Variants in PCSK2 observed in about 807,000 individuals in gnomAD.
PCSK2 encodes neuroendocrine convertase 2.
A neutral mutation model predicts 69.7 loss-of-function variants in PCSK2; 14 were observed. The ratio of observed to expected loss-of-function variants is 0.20; its 90% CI spans 0.13 to 0.31. The LOEUF (loss-of-function observed/expected upper bound fraction) is 0.31. Ranked by LOEUF, PCSK2 falls within the 10% of genes least tolerant of loss-of-function variation. The pLI is 1.00. For missense variants in PCSK2, 544 were observed against 842.5 expected (o/e 0.65, Z 4.39); for synonymous variants, 307 against 320.7 (o/e 0.96, Z 0.46).
intron 1 of PCSK2, among the ~76,000 whole-genome samples, chr20:17,227,909 G>A (rs1216779534): frequency 6.6e-6 from 1 of 152,090 alleles, no homozygotes; most frequent in African/African-American, 2.4e-5. Context: ...CTACAGACGA[G>A]GCTGGACGTT....
At chr20:17,412,528 A>T (rs1318636676) in intron 6 of PCSK2, among the ~76,000 whole-genome samples, 1 of 152,224 alleles carries the variant, frequency 6.6e-6, no homozygotes, top group African/African-American at 2.4e-5. Flanking sequence ...ATATGGGACT[A>T]TGTGAAAAGA....
intron 6 of PCSK2, among the ~76,000 whole-genome samples, chr20:17,418,860 C>T (rs1199497478): frequency 6.6e-6 from 1 of 152,224 alleles, no homozygotes; most frequent in African/African-American, 2.4e-5. Flanking sequence ...CAGTATAGGG[C>T]TGACATGCTG....
Position 17,358,373 on chromosome 20 carries a change from G to C in PCSK2, c.329G>C (p.Gly110Ala). Residue 110 changes from glycine (G) to alanine (A), a missense_variant, in exon 3 of 12, where the codon GGT becomes GCT. This residue lies in a region of PCSK2 where 157 missense variants were observed against 155.0 expected (regional missense o/e 1.01). Coordinates refer to ENST00000262545, the MANE Select transcript of PCSK2 (RefSeq NM_002594.5). ...QQEGFDRKKR[G>A]YRDINEIDIN... ...GAAGGATTTGACCGAAAAAAGCGAGGTTACAGAGACATCAATGAGATCGAC... is the reference window on the plus strand; with the variant it reads ...GAAGGATTTGACCGAAAAAAGCGAGCTTACAGAGACATCAATGAGATCGAC... The C allele has an allele frequency of 6.2e-7, 1 of 1,613,480 alleles. No individual in the cohort carries two copies. Among genetic ancestry groups the C allele is most frequent in the Non-Finnish European group, 8.5e-7 (1 of 1,179,480 alleles).
At chr20:17,269,113 G>A (rs1379978498) in intron 2 of PCSK2, among the ~76,000 whole-genome samples, 2 of 152,186 alleles carry the variant, frequency 1.3e-5, no homozygotes, top group African/African-American at 4.8e-5. Context: ...GTTAACATTT[G>A]AGATTTGTAT....
chr20:17,314,074 A>G (rs145226262), intron 2 of PCSK2, among the ~76,000 whole-genome samples: 14 of 152,124 alleles, frequency 9.2e-5, no homozygotes, highest in African/African-American at 3.1e-4. Context: ...CCCCACCCCA[A>G]AGAGACTGCA....
intron 5 of PCSK2, among the ~76,000 whole-genome samples, chr20:17,391,544 G>A (rs1189504607): frequency 6.6e-6 from 1 of 152,114 alleles, no homozygotes; most frequent in African/African-American, 2.4e-5. Flanking sequence ...AGCCTCTTCT[G>A]CCCACCAAGC....
chr20:17,445,934 C>T (rs540239708), intron 8 of PCSK2, among the ~76,000 whole-genome samples: 2 of 152,182 alleles, frequency 1.3e-5, no homozygotes, highest in African/African-American at 2.4e-5. Flanking sequence ...TGTGACCAGC[C>T]GTCTCATTTT....
intron 2 of PCSK2, among the ~76,000 whole-genome samples, chr20:17,357,894 C>CAAA (rs11429693): frequency 1.2e-4 from 15 of 120,396 alleles, no homozygotes; most frequent in African/African-American, 4.3e-4. Flanking sequence ...AACTCTGTCT[C>CAAA]AAAAAAAAAA....
At chr20:17,234,670 T>C (rs1986266241) in intron 1 of PCSK2, among the ~76,000 whole-genome samples, 1 of 152,112 alleles carries the variant, frequency 6.6e-6, no homozygotes, top group African/African-American at 2.4e-5. Context: ...ACACCTTTTT[T>C]TCTCAATTGA....
intron 2 of PCSK2, among the ~76,000 whole-genome samples, chr20:17,308,971 G>A (rs187131574): frequency 6.6e-6 from 1 of 152,128 alleles, no homozygotes; most frequent in Admixed American, 6.5e-5. Flanking sequence ...GAAATCAAAG[G>A]CCAGCCCAGA....
At chr20:17,329,605 A>G (rs1990158681) in intron 2 of PCSK2, among the ~76,000 whole-genome samples, 1 of 152,236 alleles carries the variant, frequency 6.6e-6, no homozygotes, top group African/African-American at 2.4e-5. Flanking sequence ...AAGTTTAAAA[A>G]CTTCGCTCTC....
intron 8 of PCSK2, among the ~76,000 whole-genome samples, chr20:17,444,760 C>T (rs1304693976): frequency 1.3e-5 from 2 of 152,204 alleles, no homozygotes; most frequent in African/African-American, 2.4e-5. Context: ...GCAACTGGAG[C>T]TTAATGCCAC....
chr20:17,479,293 T>C, intron 11 of PCSK2: 1 of 898,572 alleles, frequency 1.1e-6, no homozygotes, highest in Non-Finnish European at 1.9e-6. Flanking sequence ...AATTCCACTA[T>C]GCTTGCGGTC....
chr20:17,405,339 G>T (rs980499163), intron 5 of PCSK2, among the ~76,000 whole-genome samples: 1 of 152,144 alleles, frequency 6.6e-6, no homozygotes, highest in African/African-American at 2.4e-5. Context: ...GATCACAGAG[G>T]CATTAAATTC....
intron 2 of PCSK2, among the ~76,000 whole-genome samples, chr20:17,330,294 T>C (rs1379748795): frequency 2.0e-5 from 3 of 152,032 alleles, no homozygotes; most frequent in South Asian, 2.1e-4. Context: ...TGAGATAGTA[T>C]ATCAACTAAG....
chr20:17,273,958 A>G (rs1987961071), intron 2 of PCSK2, among the ~76,000 whole-genome samples: 1 of 152,150 alleles, frequency 6.6e-6, no homozygotes, highest in South Asian at 2.1e-4. Flanking sequence ...CCTCAGCTTG[A>G]AAATGTTACA....
rs11474649 is a variant in PCSK2, at chr20:17,275,084, CATATATATAT to C, written c.282+14760_282+14769del. Among the ~76,000 whole-genome samples, 234 of 141,482 alleles carry C rather than the reference CATATATATAT, an allele frequency of 1.7e-3. 3 individuals are homozygous for C. The highest frequency in any genetic ancestry group is 4.3e-3 in the African/African-American group (166 of 38,648). 92.8% of individuals were successfully genotyped at this position (141,482 alleles called of 152,430 possible). On this transcript the variant is annotated intron_variant, in intron 2 of 11. Coordinates refer to ENST00000262545, the MANE Select transcript of PCSK2 (RefSeq NM_002594.5). The stretch of plus-strand genomic sequence containing the variant: ...TCTTATTTTGTGCATATTATTTATA[CATATATATAT>C]ATATATATATATATATATAATGTTG...
chr20:17,261,510 C>T (rs1196301843), intron 2 of PCSK2, among the ~76,000 whole-genome samples: 1 of 152,174 alleles, frequency 6.6e-6, no homozygotes, highest in Admixed American at 6.5e-5. Flanking sequence ...GGAATTTCTG[C>T]TCTAGGAAGC....
At chr20:17,429,605 A>G (rs1035883709) in intron 7 of PCSK2, 82 bp downstream of exon 7, 1 of 900,784 alleles carries the variant, frequency 1.1e-6, no homozygotes, top group Admixed American at 2.5e-5. Flanking sequence ...AAAAAATCCC[A>G]CTGGTGCAGA....
Sources: allele counts gnomAD v4.1 joint callset (sites outside exome capture counted in the v4.1 genomes callset), GRCh38; gene constraint gnomAD v4.1.1; regional missense constraint gnomAD v4.1.1; transcripts MANE v1.5; gene names NCBI Gene and HGNC (gene_info 2026-07-23, HGNC 2026-07-21).